Variants in NKAIN1 observed in about 807,000 individuals in gnomAD.
The protein encoded by NKAIN1 is sodium/potassium-transporting ATPase subunit beta-1-interacting protein 1.
NKAIN1 carries 13 observed loss-of-function variants against 31.6 expected under a neutral mutation model. That is an observed-to-expected ratio of 0.41 (90% CI 0.27 to 0.65). NKAIN1 has a LOEUF of 0.65. Among genes scored for constraint, NKAIN1 ranks in the 30% least tolerant of loss-of-function variants. NKAIN1 has a pLI of 0.30. For synonymous variants in NKAIN1, 104 were observed against 109.0 expected (o/e 0.95, Z 0.28); for missense variants, 193 against 262.2 (o/e 0.74, Z 1.82).
chr1:31,237,017 C>A (rs926499027), intron 1 of NKAIN1, among the ~76,000 whole-genome samples: 1 of 152,110 alleles, frequency 6.6e-6, no homozygotes, highest in African/African-American at 2.4e-5. Context: ...ACTTGGGAGG[C>A]TGAAGTGGGA....
At chr1:31,211,313 A>C (rs1645467207) in intron 1 of NKAIN1, among the ~76,000 whole-genome samples, 2 of 152,266 alleles carry the variant, frequency 1.3e-5, no homozygotes. Context: ...GCAAGGCTGC[A>C]GAGTCCAAGA....
At chr1:31,207,032 C>A (rs1486765758) in intron 1 of NKAIN1, among the ~76,000 whole-genome samples, 1 of 152,158 alleles carries the variant, frequency 6.6e-6, no homozygotes, top group Admixed American at 6.6e-5. Flanking sequence ...TGTAATCCCA[C>A]CTGGCTGTAT....
chr1:31,203,587 AT>A (rs374430209), intron 1 of NKAIN1, among the ~76,000 whole-genome samples: 86 of 142,652 alleles, frequency 6.0e-4, no homozygotes, highest in South Asian at 2.2e-3. Context: ...TCGAGGAGTA[AT>A]TTTTTTTTTT....
intron 2 of NKAIN1, 74 bp downstream of exon 2, chr1:31,187,976 G>T: frequency 6.8e-7 from 1 of 1,469,856 alleles, no homozygotes; most frequent in Non-Finnish European, 9.1e-7. Context: ...TTCTGGTTTT[G>T]AGGAGCAGGG....
chr1:31,206,148 T>C (rs1371831594), intron 1 of NKAIN1, among the ~76,000 whole-genome samples: 1 of 150,360 alleles, frequency 6.7e-6, no homozygotes, highest in East Asian at 2.0e-4. Flanking sequence ...GGCAGGAGAA[T>C]CGCTTGAACC....
At chr1:31,204,252 T>C (rs1047465887) in intron 1 of NKAIN1, among the ~76,000 whole-genome samples, 2 of 152,010 alleles carry the variant, frequency 1.3e-5, no homozygotes, top group African/African-American at 2.4e-5. Flanking sequence ...GGTCTGAGCA[T>C]AGAGACATGG....
chr1:31,218,064 C>T (rs1290499261), intron 1 of NKAIN1, among the ~76,000 whole-genome samples: 3 of 141,626 alleles, frequency 2.1e-5, no homozygotes, highest in African/African-American at 8.1e-5. Context: ...TTCTTTCTTT[C>T]TTTCTTTTTT....
intron 1 of NKAIN1, among the ~76,000 whole-genome samples, chr1:31,208,381 C>T (rs1010700219): frequency 2.0e-5 from 3 of 152,246 alleles, no homozygotes; most frequent in South Asian, 2.1e-4. Flanking sequence ...GTTGGAGATC[C>T]GCCTCTGCTG....
At chr1:31,187,875 C>T (rs1476224301) in intron 2 of NKAIN1, among the ~76,000 whole-genome samples, 175 bp downstream of exon 2, 1 of 151,878 alleles carries the variant, frequency 6.6e-6, no homozygotes, top group Non-Finnish European at 1.5e-5. Context: ...AAACCCTTGT[C>T]TCCTCTGAGC....
chr1:31,231,567 G>C (rs1020697462), intron 1 of NKAIN1, among the ~76,000 whole-genome samples: 1 of 152,076 alleles, frequency 6.6e-6, no homozygotes, highest in Non-Finnish European at 1.5e-5. Flanking sequence ...GTCTCGCTCT[G>C]TCACCCAGGC....
intron 1 of NKAIN1, among the ~76,000 whole-genome samples, chr1:31,220,754 CAAAAAAAAAAAA>C (rs772908877): frequency 2.5e-4 from 15 of 58,912 alleles, no homozygotes; most frequent in Non-Finnish European, 4.6e-4. Context: ...ACTCCATCTC[CAAAAAAAAAAAA>C]AAAAAAAAAG....
At chr1:31,231,025 G>A (rs1180958141) in intron 1 of NKAIN1, among the ~76,000 whole-genome samples, 4 of 151,832 alleles carry the variant, frequency 2.6e-5, no homozygotes, top group Admixed American at 2.6e-4. Flanking sequence ...TGGGATTACA[G>A]GTGCCCGCCA....
At chr1:31,194,703 G>A (rs1337023809) in intron 1 of NKAIN1, among the ~76,000 whole-genome samples, 3 of 149,556 alleles carry the variant, frequency 2.0e-5, no homozygotes, top group Non-Finnish European at 4.4e-5. Context: ...CCCTGCACCT[G>A]GCCTGCTTTC....
At chr1:31,224,932 A>G (rs2377730) in intron 1 of NKAIN1, among the ~76,000 whole-genome samples, 48,062 of 151,992 alleles carry the variant, frequency 0.32, 9,649 homozygotes, top group African/African-American at 0.57. Flanking sequence ...AGTGGGACCC[A>G]AAGCCAGCGG....
intron 1 of NKAIN1, among the ~76,000 whole-genome samples, chr1:31,200,323 A>T (rs931727624): frequency 2.6e-5 from 4 of 152,240 alleles, no homozygotes; most frequent in Admixed American, 1.3e-4. Context: ...CCAGGGAGTT[A>T]TCTCATAACA....
At chr1:31,203,938 C>T (rs569207603) in intron 1 of NKAIN1, among the ~76,000 whole-genome samples, 6 of 152,072 alleles carry the variant, frequency 3.9e-5, no homozygotes, top group South Asian at 2.1e-4. Flanking sequence ...AAACTGATGG[C>T]GACAAATGAG....
intron 1 of NKAIN1, among the ~76,000 whole-genome samples, chr1:31,214,028 T>A (rs55657710): frequency 0.67 from 99,618 of 148,338 alleles, 34,455 homozygotes; most frequent in Middle Eastern, 0.86. Flanking sequence ...ATTAATTAAT[T>A]AATTAATTAA....
At chr1:31,213,290 A>G (rs913730413) in intron 1 of NKAIN1, among the ~76,000 whole-genome samples, 2 of 152,226 alleles carry the variant, frequency 1.3e-5, no homozygotes, top group African/African-American at 2.4e-5. Flanking sequence ...ATTTGCAAAG[A>G]ATTTCTCCAA....
intron 1 of NKAIN1, among the ~76,000 whole-genome samples, chr1:31,214,011 A>AT (rs1645490710): frequency 8.9e-6 from 1 of 112,284 alleles, no homozygotes; most frequent in South Asian, 3.0e-4. Flanking sequence ...GAATAAAATA[A>AT]AAATTAATTA....
Sources: allele counts gnomAD v4.1 joint callset (sites outside exome capture counted in the v4.1 genomes callset), GRCh38; gene constraint gnomAD v4.1.1; transcripts MANE v1.5; gene names NCBI Gene and HGNC (gene_info 2026-07-23, HGNC 2026-07-21).